ARSG: variants seen among roughly 807,000 people sequenced by gnomAD.
The protein encoded by ARSG is ASG.
ARSG carries 37 observed loss-of-function variants against 50.5 expected under a neutral mutation model. That is an observed-to-expected ratio of 0.73 (90% confidence interval 0.56 to 0.96). The LOEUF is 0.96. ARSG is among the 50% of genes least tolerant of loss of function. The probability of loss-of-function intolerance (pLI) is 0.00; values close to 1 mark genes in which losing one functional copy is unlikely to be tolerated. For synonymous variants in ARSG, 225 were observed against 254.6 expected, an observed-to-expected ratio of 0.88 and a Z score of 1.11; for missense variants, 629 against 675.3, an observed-to-expected ratio of 0.93 and a Z score of 0.76.
intron 5 of ARSG, among the ~76,000 whole-genome samples, chr17:68,353,929 TG>T (rs774847219): frequency 8.6e-5 from 13 of 151,960 alleles, no homozygotes; most frequent in Non-Finnish European, 1.8e-4. Context: ...CTTGAACTCC[TG>T]ACCTCAAGTG....
chr17:68,427,415 G>A (rs1356670788), downstream of ARSG: 1 of 519,240 alleles, frequency 1.9e-6, no homozygotes, highest in African/African-American at 2.0e-5. Flanking sequence ...GGAGTGCAGT[G>A]GCGCAATCTC....
downstream of ARSG, chr17:68,427,614 T>C (rs2083285410): frequency 5.5e-6 from 1 of 183,148 alleles, no homozygotes; most frequent in Non-Finnish European, 1.1e-5. Context: ...GCCAACTCTG[T>C]GGGTTTAAAT....
intron 11 of ARSG, among the ~76,000 whole-genome samples, chr17:68,415,666 C>T (rs1053871354): frequency 2.0e-5 from 3 of 152,042 alleles, no homozygotes; most frequent in Non-Finnish European, 4.4e-5. Context: ...TCATTTCTTA[C>T]GTTATTAGTA....
At chr17:68,421,163 G>A (rs535287227), downstream of ARSG, 40 of 155,328 alleles carry the variant, frequency 2.6e-4, no homozygotes, top group African/African-American at 9.4e-4. Context: ...TAAGTCTGTG[G>A]CCCAATCCCC....
chr17:68,327,187 T>A (rs2077539938), intron 2 of ARSG, among the ~76,000 whole-genome samples: 1 of 151,004 alleles, frequency 6.6e-6, no homozygotes. Flanking sequence ...AGCTGGAGAG[T>A]TGAGTGGGGC....
intron 4 of ARSG, among the ~76,000 whole-genome samples, chr17:68,347,614 C>T (rs2078574479): frequency 6.6e-6 from 1 of 152,236 alleles, no homozygotes; most frequent in Non-Finnish European, 1.5e-5. Flanking sequence ...TCCTCACCCT[C>T]TGGCCTTGGG....
At chr17:68,340,610 G>T (rs1366833609) in intron 2 of ARSG, among the ~76,000 whole-genome samples, 1 of 152,076 alleles carries the variant, frequency 6.6e-6, no homozygotes, top group Non-Finnish European at 1.5e-5. Context: ...TGCCCACATT[G>T]TCCCAAGTTT....
At chr17:68,264,734 G>T (rs782305257) in intron 1 of ARSG, among the ~76,000 whole-genome samples, 1 of 151,984 alleles carries the variant, frequency 6.6e-6, no homozygotes, top group Non-Finnish European at 1.5e-5. Context: ...ACTGCACCTG[G>T]CCCAACTCAT....
Position 68,271,079 on chromosome 17 carries a change from T to C in ARSG, c.-552+11653T>C, listed in dbSNP as rs1555748388. The C allele has an allele frequency of 6.2e-7, 1 of 1,614,192 alleles. No individual in the cohort carries two copies. Among genetic ancestry groups the C allele is most frequent in the Non-Finnish European group, 8.5e-7 (1 of 1,180,044 alleles). ...AATAAGATGACGCAGATGAGCTCAA[T>C]GTAAATCTTACGAATGGGCTCCCTG... On this transcript the variant is annotated intron_variant, in intron 1 of 11. Coordinates refer to the ARSG transcript ENST00000448504. The surrounding 1 kb of genome is among the most constrained non-coding windows in gnomAD (Gnocchi z 5.3).
At position 68,271,012 on chromosome 17, in the gene ARSG, C is replaced by G. The variant is rs1555748342; in HGVS notation, c.-552+11586C>G. ...AAATATGCTGCATGACATTAGACCC[C>G]AGAATTCAGTAGCAAAAGTAAAGGC... On this transcript the variant is annotated intron_variant, in intron 1 of 11. Transcript: ENST00000448504. The surrounding 1 kb of genome is among the most constrained non-coding windows in gnomAD (Gnocchi z 5.3). 3 of 1,614,086 alleles carry G rather than the reference C, an allele frequency of 1.9e-6. No individual in the cohort carries two copies. In the South Asian group the frequency reaches 3.3e-5, roughly 18 times the overall value.
Position 68,309,314 on chromosome 17 carries a change from G to A in ARSG, c.218+1603G>A, listed in dbSNP as rs371942617. ...CTCCCTCCACACCTCCCTGCAAGCCGAGGGAGCCGGCTCTCGCCTTGGCCA... is the reference window on the plus strand; with the variant it reads ...CTCCCTCCACACCTCCCTGCAAGCCAAGGGAGCCGGCTCTCGCCTTGGCCA... On this transcript the variant is annotated intron_variant, in intron 2 of 11. Coordinates refer to ENST00000621439, the MANE Select transcript of ARSG (RefSeq NM_001267727.2). Among the ~76,000 whole-genome samples, 7 of 152,350 alleles carry A rather than the reference G, an allele frequency of 4.6e-5. No homozygotes were observed. The East Asian group carries it at 9.7e-4, about 21-fold the overall frequency.
At chr17:68,420,093 T>C (rs1424077152) in intron 11 of ARSG, 96 bp from the exon 12 acceptor site, 1 of 1,369,054 alleles carries the variant, frequency 7.3e-7, no homozygotes, top group African/African-American at 1.4e-5. Flanking sequence ...TTATCTGGTA[T>C]GTTTGAATTA....
At chr17:68,330,978 C>CGG (rs34615975) in intron 2 of ARSG, among the ~76,000 whole-genome samples, 14 of 65,808 alleles carry the variant, frequency 2.1e-4, no homozygotes, top group African/African-American at 6.2e-4. Flanking sequence ...TTTTTTTTTG[C>CGG]GGGGGGGGGG....
In ARSG at chr17:68,369,591, C is replaced by T. The variant is rs151192074; in HGVS notation, c.901+847C>T. Among the ~76,000 whole-genome samples the T allele has an allele frequency of 2.6e-3, 402 of 152,102 alleles. 3 individuals carry two copies. The highest frequency in any genetic ancestry group is 0.017 in the Middle Eastern group (5 of 294). On this transcript the variant is annotated intron_variant, in intron 7 of 11. Transcript: ENST00000621439. ...TCAAGTAGAGACTTATACTCTCTAC[C>T]GTGCAGTGAAGGTGTTATAAACTCC...
At chr17:68,412,700 A>C (rs1473429139) in intron 11 of ARSG, among the ~76,000 whole-genome samples, 4 of 151,866 alleles carry the variant, frequency 2.6e-5, no homozygotes, top group African/African-American at 2.4e-5. Flanking sequence ...CTCCTGGATA[A>C]TATCCTGCAG....
At chr17:68,372,533 A>G (rs2079900534) in intron 8 of ARSG, among the ~76,000 whole-genome samples, 1 of 152,146 alleles carries the variant, frequency 6.6e-6, no homozygotes, top group African/African-American at 2.4e-5. Flanking sequence ...GTGAAGGGGA[A>G]GGCGCCACAC....
intron 2 of ARSG, among the ~76,000 whole-genome samples, chr17:68,332,319 G>C (rs1189991559): frequency 6.6e-6 from 1 of 152,138 alleles, no homozygotes; most frequent in Non-Finnish European, 1.5e-5. Context: ...AGACTTTAAG[G>C]TTATCTCCTT....
At chr17:68,374,392 TGTAA>T (rs1274779211) in intron 8 of ARSG, among the ~76,000 whole-genome samples, 3 of 152,112 alleles carry the variant, frequency 2.0e-5, no homozygotes, top group Non-Finnish European at 4.4e-5. Context: ...GGGAAGGATC[TGTAA>T]GTAAGTGGCT....
intron 11 of ARSG, among the ~76,000 whole-genome samples, chr17:68,402,479 G>C (rs979555706): frequency 6.6e-6 from 1 of 151,560 alleles, no homozygotes; most frequent in Non-Finnish European, 1.5e-5. Context: ...TCCTGACCTC[G>C]TGATCCGCCC....
Sources: allele counts gnomAD v4.1 joint callset (sites outside exome capture counted in the v4.1 genomes callset), GRCh38; gene constraint gnomAD v4.1.1; non-coding constraint Gnocchi (gnomAD v3.1); transcripts MANE v1.5; gene names NCBI Gene and HGNC (gene_info 2026-07-23, HGNC 2026-07-21).